PPM1E: variants seen among roughly 807,000 people sequenced by gnomAD.
PPM1E encodes protein phosphatase, Mg2+/Mn2+ dependent 1E.
In PPM1E, 20 loss-of-function variants were observed where a neutral mutation model predicts 65.9. That is an observed-to-expected ratio of 0.30 (90% CI 0.21 to 0.44). PPM1E has a LOEUF of 0.44. PPM1E is among the 20% of genes least tolerant of loss of function. The pLI is 1.00. For synonymous variants in PPM1E, 352 were observed against 374.9 expected (o/e 0.94, Z 0.70); for missense variants, 713 against 953.1 (o/e 0.75, Z 3.32).
intron 1 of PPM1E, among the ~76,000 whole-genome samples, chr17:58,833,166 G>A (rs2050621655): frequency 6.6e-6 from 1 of 151,636 alleles, no homozygotes; most frequent in African/African-American, 2.4e-5. Context: ...TTTATCACAT[G>A]TATAAATTCA....
chr17:58,955,684 G>C lies in PPM1E; in HGVS notation c.500G>C (p.Arg167Thr). 1 of 1,613,410 alleles carries C rather than the reference G, an allele frequency of 6.2e-7. No individual in the cohort carries two copies. The highest frequency in any genetic ancestry group is 8.5e-7 in the Non-Finnish European group (1 of 1,179,860). The change falls in exon 2 of 7, where the codon AGA becomes ACA. Residue 167 changes from arginine to threonine, a missense_variant. Physicochemically the swap from Arg to Thr is moderately conservative, Grantham distance 71 (BLOSUM62 -1). Transcript: ENST00000308249. Reference protein sequence around the residue: ...CPSFLAAALARATSDEVLQSD... With the variant: ...CPSFLAAALATATSDEVLQSD... ...TCCTTTTTGGCTGCTGCTTTAGCCA[G>C]AGCCACATCAGATGAAGTCCTTCAG...
chr17:58,819,804 A>C (rs763581777), intron 1 of PPM1E, among the ~76,000 whole-genome samples: 6 of 152,038 alleles, frequency 3.9e-5, no homozygotes, highest in Non-Finnish European at 8.8e-5. Context: ...TGGGAGACAG[A>C]GGTGGGTGGA....
intron 1 of PPM1E, among the ~76,000 whole-genome samples, chr17:58,800,846 C>T (rs1896513966): frequency 6.6e-6 from 1 of 152,016 alleles, no homozygotes; most frequent in African/African-American, 2.4e-5. Flanking sequence ...ATTGTGTTGA[C>T]TTTATCAGTT....
chr17:58,774,166 C>CG (rs1342509853), intron 1 of PPM1E, among the ~76,000 whole-genome samples: 1 of 150,938 alleles, frequency 6.6e-6, no homozygotes, highest in Non-Finnish European at 1.5e-5. Flanking sequence ...CTGTCCCCCC[C>CG]CCCCAAAAAA....
chr17:58,857,668 C>T (rs1398547831), intron 1 of PPM1E, among the ~76,000 whole-genome samples: 1 of 152,010 alleles, frequency 6.6e-6, no homozygotes, highest in Non-Finnish European at 1.5e-5. Flanking sequence ...CTTTTGCGGT[C>T]AGAAAACAAT....
chr17:58,865,584 G>A (rs1445627591), intron 1 of PPM1E, among the ~76,000 whole-genome samples: 1 of 151,536 alleles, frequency 6.6e-6, no homozygotes, highest in Non-Finnish European at 1.5e-5. Context: ...CTTGTAGTTC[G>A]ATTTACTCAG....
At chr17:58,858,041 T>TA (rs1218960757) in intron 1 of PPM1E, among the ~76,000 whole-genome samples, 5 of 152,144 alleles carry the variant, frequency 3.3e-5, no homozygotes, top group African/African-American at 7.2e-5. Flanking sequence ...TTCACTTCCA[T>TA]AAAAAACGTC....
intron 1 of PPM1E, among the ~76,000 whole-genome samples, chr17:58,838,219 A>G (rs1598603090): frequency 1.3e-5 from 2 of 152,214 alleles, no homozygotes; most frequent in Admixed American, 6.5e-5. Context: ...TCTGGGAAAG[A>G]CACAGTAAAG....
chr17:58,755,939 T>G lies in PPM1E; in HGVS notation c.-59T>G. On this transcript the variant is annotated 5_prime_UTR_variant, in exon 1 of 7. Transcript: ENST00000308249. ...GAGCCCTAGGCTCAAAAGCAGCCCC[T>G]TACCCTTCCTGGGCTTCCCCCAACC... The G allele has an allele frequency of 6.2e-7, 1 of 1,608,494 alleles. No individual in the cohort carries two copies. Among genetic ancestry groups the G allele is most frequent in the African/African-American group, 1.3e-5 (1 of 74,926 alleles).
chr17:58,869,093 C>A (rs2051040198), intron 1 of PPM1E, among the ~76,000 whole-genome samples: 1 of 152,090 alleles, frequency 6.6e-6, no homozygotes, highest in Admixed American at 6.5e-5. Context: ...TCACTTGAAC[C>A]CGGGAGGCAG....
At position 58,973,183 on chromosome 17, in the gene PPM1E, C is replaced by T. The variant is rs531058090; in HGVS notation, c.1210+258C>T. Among the ~76,000 whole-genome samples, 38 of 150,274 alleles carry T rather than the reference C, an allele frequency of 2.5e-4. No homozygotes were observed. In the South Asian group the frequency reaches 6.6e-3, roughly 26 times the overall value. On this transcript the variant is annotated intron_variant, in intron 6 of 6. Coordinates refer to ENST00000308249, the MANE Select transcript of PPM1E (RefSeq NM_014906.5). ...CTGTAATCCCAACACTTTGGGAGGC[C>T]GAGGCGGGTGTATCACGAGGTCAGG...
intron 1 of PPM1E, among the ~76,000 whole-genome samples, chr17:58,937,438 A>AT (rs1196841928): frequency 4.7e-5 from 7 of 149,684 alleles, no homozygotes; most frequent in African/African-American, 1.7e-4. Flanking sequence ...TAATTTTTGT[A>AT]TTTTTAGTAG....
At chr17:58,824,822 A>G (rs2050516951) in intron 1 of PPM1E, among the ~76,000 whole-genome samples, 1 of 146,908 alleles carries the variant, frequency 6.8e-6, no homozygotes, top group East Asian at 2.0e-4. Context: ...GTTAGCCAGG[A>G]TGGTCTCAAT....
intron 1 of PPM1E, among the ~76,000 whole-genome samples, chr17:58,805,980 A>AAAAAAAAAAAAAAAC (rs2050307581): frequency 1.9e-5 from 2 of 107,932 alleles, no homozygotes; most frequent in African/African-American, 8.3e-5. Context: ...AAAACAAAAA[A>AAAAAAAAAAAAAAAC]AAAACAAAAC....
chr17:58,973,757 C>A (rs964350481), intron 6 of PPM1E, among the ~76,000 whole-genome samples: 2 of 151,942 alleles, frequency 1.3e-5, no homozygotes, highest in Non-Finnish European at 2.9e-5. Flanking sequence ...TGGAGACCAT[C>A]CTGGCTAACA....
chr17:58,786,703 C>A (rs1262312998), intron 1 of PPM1E, among the ~76,000 whole-genome samples: 1 of 152,118 alleles, frequency 6.6e-6, no homozygotes, highest in East Asian at 1.9e-4. Context: ...AAAGTAAAAC[C>A]ATGAATAAAG....
At position 58,923,276 on chromosome 17, in the gene PPM1E, C is replaced by T. The variant is rs563994026; in HGVS notation, c.465-32373C>T. On this transcript the variant is annotated intron_variant, in intron 1 of 6. Coordinates refer to ENST00000308249, the MANE Select transcript of PPM1E (RefSeq NM_014906.5). ...CTCCTATCTGGGTGACAGAGTGAGACCCTATCTCAAAAAAAAAAAAAAAAA... is the reference window on the plus strand; with the variant it reads ...CTCCTATCTGGGTGACAGAGTGAGATCCTATCTCAAAAAAAAAAAAAAAAA... Among the ~76,000 whole-genome samples the T allele has an allele frequency of 4.9e-5, 6 of 122,656 alleles. No individual in the cohort carries two copies. In the East Asian group the frequency reaches 7.1e-4, roughly 15 times the overall value. 80.5% of individuals were successfully genotyped at this position (122,656 alleles called of 152,430 possible). A position where few individuals can be genotyped will look rare whatever the true frequency, so the allele number is the denominator to read the frequency against.
In PPM1E at chr17:58,981,191, T is replaced by A. The variant is rs2143830669; in HGVS notation, c.*160T>A. The A allele has an allele frequency of 1.7e-6, 1 of 600,272 alleles. No homozygotes were observed. 37.2% of individuals were successfully genotyped at this position (600,272 alleles called of 1,614,324 possible). ...GATCTCTAGGAAACTCAAAGTACAGTGTTTTCAATCTAAAAAGAAGTATTG... is the reference window on the plus strand; with the variant it reads ...GATCTCTAGGAAACTCAAAGTACAGAGTTTTCAATCTAAAAAGAAGTATTG... On this transcript the variant is annotated 3_prime_UTR_variant, in exon 7 of 7. Coordinates refer to ENST00000308249, the MANE Select transcript of PPM1E (RefSeq NM_014906.5).
At chr17:58,912,963 C>T (rs1300175567) in intron 1 of PPM1E, among the ~76,000 whole-genome samples, 1 of 152,068 alleles carries the variant, frequency 6.6e-6, no homozygotes, top group Non-Finnish European at 1.5e-5. Flanking sequence ...GACAGAAGCT[C>T]CTGTGCTTGG....
Sources: gnomAD v4.1 joint callset for allele counts (sites outside exome capture counted in the v4.1 genomes callset) on GRCh38, gnomAD v4.1.1 for gene constraint, MANE v1.5 for transcripts, NCBI Gene and HGNC (gene_info 2026-07-23, HGNC 2026-07-21) for gene names.